The following PHF2 variants were observed in gnomAD, a reference collection of about 807,000 sequenced individuals.
PHF2 encodes lysine-specific demethylase PHF2.
In PHF2, 27 loss-of-function variants were observed where a neutral mutation model predicts 120.5. The ratio of observed to expected loss-of-function variants is 0.22; its 90% CI spans 0.17 to 0.31. PHF2 has a LOEUF of 0.31. Among genes scored for constraint, PHF2 ranks in the 10% least tolerant of loss-of-function variants. The pLI, the probability that PHF2 is intolerant of heterozygous loss-of-function variation, is 1.00. For synonymous variants in PHF2, 568 were observed against 592.5 expected (o/e 0.96, Z 0.60); for missense variants, 1,024 against 1,434.8 (o/e 0.71, Z 4.63).
chr9:93,667,807 G>GT (rs1826710367), intron 17 of PHF2, among the ~76,000 whole-genome samples: 1 of 152,126 alleles, frequency 6.6e-6, no homozygotes, highest in South Asian at 2.1e-4. Flanking sequence ...GTCCTGGGGG[G>GT]TTGACTAATG....
intron 1 of PHF2, among the ~76,000 whole-genome samples, chr9:93,584,898 T>C (rs1334483493): frequency 1.3e-5 from 2 of 152,262 alleles, no homozygotes; most frequent in African/African-American, 2.4e-5. Context: ...GTGTCTTCTT[T>C]AGTTTCTTTC....
chr9:93,607,701 T>G (rs1361014328), intron 1 of PHF2, among the ~76,000 whole-genome samples: 2 of 152,210 alleles, frequency 1.3e-5, no homozygotes, highest in Non-Finnish European at 2.9e-5. Context: ...ATTTAATTCT[T>G]TGATCTACAT....
At chr9:93,601,703 A>G (rs555390556) in intron 1 of PHF2, among the ~76,000 whole-genome samples, 5 of 152,144 alleles carry the variant, frequency 3.3e-5, no homozygotes, top group Non-Finnish European at 5.9e-5. Flanking sequence ...CAGAGCCCCT[A>G]TGAATCTCGT....
intron 4 of PHF2, among the ~76,000 whole-genome samples, chr9:93,646,937 C>T (rs977381099): frequency 2.0e-5 from 3 of 152,190 alleles, no homozygotes; most frequent in African/African-American, 4.8e-5. Flanking sequence ...AGGAGGAGGG[C>T]AGGCTGGACA....
Position 93,627,508 on chromosome 9 carries a change from T to G in PHF2, c.99-2462T>G, listed in dbSNP as rs944095056. ...TATTTCAGGATTTTTTTTTTTTTTT[T>G]GTCTAATTGCTCTGGCTAGAACTTC... On this transcript the variant is annotated intron_variant, in intron 1 of 21. Coordinates refer to ENST00000359246, the MANE Select transcript of PHF2 (RefSeq NM_005392.4). Among the ~76,000 whole-genome samples the G allele has an allele frequency of 5.9e-5, 8 of 136,140 alleles. 1 individual carries two copies. Among genetic ancestry groups the G allele is most frequent in the African/African-American group, 1.0e-4 (4 of 38,328 alleles). 89.3% of individuals were successfully genotyped at this position (136,140 alleles called of 152,430 possible).
chr9:93,652,480 A>G (rs1408973213), intron 5 of PHF2, among the ~76,000 whole-genome samples: 1 of 151,336 alleles, frequency 6.6e-6, no homozygotes, highest in Non-Finnish European at 1.5e-5. Context: ...TTTAGTAGAG[A>G]CAGTGTTTCA....
At chr9:93,589,161 T>C (rs1373948227) in intron 1 of PHF2, among the ~76,000 whole-genome samples, 1 of 152,220 alleles carries the variant, frequency 6.6e-6, no homozygotes, top group Non-Finnish European at 1.5e-5. Context: ...ACAAAGCAGC[T>C]GTCCCAATAA....
intron 4 of PHF2, among the ~76,000 whole-genome samples, chr9:93,648,103 C>T (rs1018690098): frequency 7.7e-5 from 8 of 103,704 alleles, no homozygotes; most frequent in Non-Finnish European, 1.3e-4. Context: ...CCAAATTAGA[C>T]CCCCACATTG....
intron 1 of PHF2, among the ~76,000 whole-genome samples, chr9:93,626,079 C>G (rs570804360): frequency 6.6e-6 from 1 of 152,154 alleles, no homozygotes; most frequent in Non-Finnish European, 1.5e-5. Context: ...CCCATCTCTA[C>G]TGAAAATACA....
chr9:93,672,570 G>A, intron 17 of PHF2: 2 of 984,926 alleles, frequency 2.0e-6, no homozygotes, highest in Non-Finnish European at 2.4e-6. Flanking sequence ...GCAGGTATGG[G>A]TGTAGGTGTA....
At chr9:93,665,021 A>C (rs1305556186) in intron 14 of PHF2, among the ~76,000 whole-genome samples, 3 of 152,216 alleles carry the variant, frequency 2.0e-5, no homozygotes, top group Non-Finnish European at 4.4e-5. Flanking sequence ...CTATATAGAG[A>C]GAAACCTGTC....
At chr9:93,664,983 T>C (rs1299969121) in intron 14 of PHF2, among the ~76,000 whole-genome samples, 1 of 152,212 alleles carries the variant, frequency 6.6e-6, no homozygotes. Flanking sequence ...GTTCCAGACT[T>C]TTCTGCCTCA....
chr9:93,668,126 A>G (rs992048837), intron 17 of PHF2, among the ~76,000 whole-genome samples: 3 of 152,136 alleles, frequency 2.0e-5, no homozygotes, highest in African/African-American at 7.2e-5. Context: ...ATATATTACT[A>G]TTTTACATGC....
At chr9:93,611,674 C>T (rs946903528) in intron 1 of PHF2, among the ~76,000 whole-genome samples, 17 of 151,994 alleles carry the variant, frequency 1.1e-4, no homozygotes, top group Admixed American at 9.2e-4. Context: ...CTATGCCTGG[C>T]GCTTTTTTAT....
chr9:93,644,677 T>A (rs1204436817), intron 3 of PHF2, among the ~76,000 whole-genome samples: 1 of 152,110 alleles, frequency 6.6e-6, no homozygotes, highest in Non-Finnish European at 1.5e-5. Context: ...AAACAGAGGC[T>A]GTTCTAGCGG....
intron 3 of PHF2, among the ~76,000 whole-genome samples, chr9:93,639,662 C>T (rs1434783586): frequency 6.6e-6 from 1 of 152,162 alleles, no homozygotes; most frequent in Non-Finnish European, 1.5e-5. Flanking sequence ...GCACTATCAG[C>T]ATGCCACACC....
chr9:93,622,807 T>C (rs1825846236), intron 1 of PHF2, among the ~76,000 whole-genome samples: 1 of 152,154 alleles, frequency 6.6e-6, no homozygotes, highest in African/African-American at 2.4e-5. Flanking sequence ...AGAACAGGCA[T>C]GTTCCAGGGA....
chr9:93,650,724 C>T (rs1346888655), intron 5 of PHF2, among the ~76,000 whole-genome samples: 1 of 152,190 alleles, frequency 6.6e-6, no homozygotes, highest in African/African-American at 2.4e-5. Context: ...GCCCTGGATC[C>T]ACCCCTCACC....
chr9:93,615,296 GTGA>G (rs1825712644), intron 1 of PHF2, among the ~76,000 whole-genome samples: 2 of 151,712 alleles, frequency 1.3e-5, no homozygotes, highest in African/African-American at 2.4e-5. Flanking sequence ...GATGGTGATG[GTGA>G]TGATGTGTGA....
Sources: gnomAD v4.1 joint callset for allele counts (sites outside exome capture counted in the v4.1 genomes callset) on GRCh38, gnomAD v4.1.1 for gene constraint, MANE v1.5 for transcripts, NCBI Gene and HGNC (gene_info 2026-07-23, HGNC 2026-07-21) for gene names.